FRMD4A: variants seen among roughly 807,000 people sequenced by gnomAD.
FRMD4A encodes the protein FERM domain containing 4A.
In FRMD4A, 29 loss-of-function variants were observed where a neutral mutation model predicts 129.1. That is an observed-to-expected ratio of 0.22 (90% CI 0.17 to 0.31). The LOEUF is 0.31. Among genes scored for constraint, FRMD4A ranks in the 10% least tolerant of loss-of-function variants. FRMD4A has a pLI of 1.00. For missense variants in FRMD4A, 1,272 were observed against 1,375.8 expected (o/e 0.92, Z 1.19); for synonymous variants, 634 against 571.6 (o/e 1.11, Z -1.56).
At chr10:14,119,487 AT>A (rs1200797615) in intron 2 of FRMD4A, among the ~76,000 whole-genome samples, 2 of 152,172 alleles carry the variant, frequency 1.3e-5, no homozygotes, top group African/African-American at 4.8e-5. Flanking sequence ...TGGGCTGCTG[AT>A]GGTGATGTTT....
intron 2 of FRMD4A, among the ~76,000 whole-genome samples, chr10:13,974,248 T>C (rs1157538221): frequency 6.6e-6 from 1 of 152,188 alleles, no homozygotes; most frequent in Non-Finnish European, 1.5e-5. Flanking sequence ...GGTGCTATAA[T>C]AAGCTCTTTT....
At chr10:14,120,637 T>G (rs573045766) in intron 2 of FRMD4A, among the ~76,000 whole-genome samples, 53 of 152,322 alleles carry the variant, frequency 3.5e-4, no homozygotes, top group African/African-American at 1.3e-3. Context: ...TTCCTGAGCA[T>G]GCATTTTCCA....
intron 2 of FRMD4A, among the ~76,000 whole-genome samples, chr10:14,185,554 A>T (rs755427303): frequency 6.6e-6 from 1 of 152,224 alleles, no homozygotes; most frequent in African/African-American, 2.4e-5. Context: ...ACATAAAGCA[A>T]GACTATTTAA....
At chr10:14,146,458 AAAT>A (rs755237324) in intron 2 of FRMD4A, among the ~76,000 whole-genome samples, 20 of 152,196 alleles carry the variant, frequency 1.3e-4, no homozygotes, top group Non-Finnish European at 1.8e-4. Flanking sequence ...CTACACAGCA[AAAT>A]AATATCTAGC....
chr10:13,817,514 T>C (rs1038727161), intron 3 of FRMD4A, among the ~76,000 whole-genome samples: 73 of 152,210 alleles, frequency 4.8e-4, no homozygotes, highest in African/African-American at 1.7e-3. Context: ...TCACCTTGAA[T>C]TGTAATAATC....
intron 3 of FRMD4A, among the ~76,000 whole-genome samples, chr10:13,856,411 A>G (rs2094214986): frequency 1.3e-5 from 2 of 152,204 alleles, no homozygotes; most frequent in African/African-American, 4.8e-5. Context: ...GGTACTGGGG[A>G]TACACCATGA....
At chr10:14,282,276 C>T (rs918202058) in intron 2 of FRMD4A, among the ~76,000 whole-genome samples, 2 of 152,096 alleles carry the variant, frequency 1.3e-5, no homozygotes, top group African/African-American at 4.8e-5. Flanking sequence ...CCATTAGGGA[C>T]CAGCAAGTGA....
chr10:14,310,046 C>T (rs1331494682), intron 2 of FRMD4A, among the ~76,000 whole-genome samples: 2 of 152,096 alleles, frequency 1.3e-5, no homozygotes, highest in East Asian at 3.9e-4. Flanking sequence ...GCTCTCCCAG[C>T]TTCTCTAACC....
intron 2 of FRMD4A, among the ~76,000 whole-genome samples, chr10:14,281,469 A>G (rs967713798): frequency 5.9e-5 from 9 of 152,212 alleles, no homozygotes; most frequent in African/African-American, 1.9e-4. Flanking sequence ...TTGATCTCAG[A>G]CTTGCAGCCA....
chr10:13,670,317 G>A (rs2134712084), intron 17 of FRMD4A, 89 bp downstream of exon 17: 2 of 1,374,906 alleles, frequency 1.5e-6, no homozygotes, highest in Middle Eastern at 1.8e-4. Flanking sequence ...CAGAAATGAA[G>A]AAATTGGTAC....
At chr10:14,230,492 T>C (rs115060855) in intron 2 of FRMD4A, among the ~76,000 whole-genome samples, 3,410 of 152,324 alleles carry the variant, frequency 0.022, 119 homozygotes, top group African/African-American at 0.078. Flanking sequence ...TGGCCCCTGG[T>C]AGATGCTCAG....
chr10:14,188,513 A>C (rs1008662706), intron 2 of FRMD4A, among the ~76,000 whole-genome samples: 3 of 152,148 alleles, frequency 2.0e-5, no homozygotes, highest in Non-Finnish European at 4.4e-5. Context: ...TTCTACCTTT[A>C]GGTCCTTTTC....
intron 12 of FRMD4A, among the ~76,000 whole-genome samples, chr10:13,726,409 G>A (rs1036348416): frequency 2.6e-5 from 4 of 152,198 alleles, no homozygotes; most frequent in Non-Finnish European, 5.9e-5. Flanking sequence ...ACTGCTCTAG[G>A]AAAGAATTTG....
At chr10:13,853,260 G>A (rs1430642702) in intron 3 of FRMD4A, among the ~76,000 whole-genome samples, 1 of 152,300 alleles carries the variant, frequency 6.6e-6, no homozygotes, top group East Asian at 1.9e-4. Flanking sequence ...AGGGCCGGGC[G>A]TGTTGGCAGT....
intron 2 of FRMD4A, among the ~76,000 whole-genome samples, chr10:13,908,159 C>T (rs2094902091): frequency 1.0e-5 from 1 of 97,406 alleles, no homozygotes; most frequent in Non-Finnish European, 2.0e-5. Flanking sequence ...GACGGAAACT[C>T]CATCTAAAAA....
chr10:13,804,790 C>G (rs2093332492), intron 4 of FRMD4A, among the ~76,000 whole-genome samples: 1 of 149,050 alleles, frequency 6.7e-6, no homozygotes, highest in Non-Finnish European at 1.5e-5. Context: ...GATCTCTTGA[C>G]CTTGTGATCT....
intron 2 of FRMD4A, among the ~76,000 whole-genome samples, chr10:14,041,453 G>T (rs1296083554): frequency 6.6e-6 from 1 of 152,114 alleles, no homozygotes; most frequent in African/African-American, 2.4e-5. Context: ...TTCATTTTCT[G>T]CCACCAAAAG....
chr10:13,953,505 C>T (rs1183268588), intron 2 of FRMD4A, among the ~76,000 whole-genome samples: 1 of 152,166 alleles, frequency 6.6e-6, no homozygotes, highest in East Asian at 1.9e-4. Flanking sequence ...AGATATCTCA[C>T]ACCTTCCCAC....
At chr10:13,753,718 A>C (rs918894866) in intron 8 of FRMD4A, among the ~76,000 whole-genome samples, 2 of 151,628 alleles carry the variant, frequency 1.3e-5, no homozygotes, top group South Asian at 2.1e-4. Flanking sequence ...TAATTTTTTA[A>C]ATATTTTGTA....
Sources: allele counts gnomAD v4.1 joint callset (sites outside exome capture counted in the v4.1 genomes callset), GRCh38; gene constraint gnomAD v4.1.1; transcripts MANE v1.5; gene names NCBI Gene and HGNC (gene_info 2026-07-23, HGNC 2026-07-21).